Variants in SMARCD3 observed in about 807,000 individuals in gnomAD.
SMARCD3 encodes SWI/SNF-related matrix-associated actin-dependent regulator of chromatin subfamily D member 3.
Under a neutral mutation model 58.0 loss-of-function variants are expected in SMARCD3, and 14 were observed. The observed-to-expected ratio is 0.24, with a 90% CI of 0.16 to 0.38. SMARCD3 has a LOEUF of 0.38. Ranked by LOEUF, SMARCD3 falls within the 10% of genes least tolerant of loss-of-function variation. The probability of loss-of-function intolerance (pLI) is 1.00; values close to 1 mark genes in which losing one functional copy is unlikely to be tolerated. For synonymous variants in SMARCD3, 253 were observed against 253.8 expected (o/e 1.00, Z 0.03); for missense variants, 408 against 636.9 (o/e 0.64, Z 3.87).
At chr7:151,269,809 C>T (rs549141849) in intron 2 of SMARCD3, among the ~76,000 whole-genome samples, 2 of 152,258 alleles carry the variant, frequency 1.3e-5, no homozygotes, top group South Asian at 2.1e-4. Flanking sequence ...GCAGAAGGTC[C>T]GCCATCACCA....
Position 151,242,452 on chromosome 7 carries a change from C to T in SMARCD3, c.579+29G>A. ...AGTGCAGCCCATGCCCACCCCAGGA[C>T]ACCTGGAGAGACCTGGGCCGGGACG... On this transcript the variant is annotated intron_variant, in intron 5 of 12. Coordinates refer to ENST00000262188, the MANE Select transcript of SMARCD3 (RefSeq NM_001003801.2). This position sits in a 1 kb window ranked among gnomAD's most constrained non-coding sequence, Gnocchi z 4.7. The T allele has an allele frequency of 6.2e-7, 1 of 1,609,268 alleles. No individual in the cohort carries two copies. The highest frequency in any genetic ancestry group is 8.5e-7 in the Non-Finnish European group (1 of 1,178,534).
intron 2 of SMARCD3, among the ~76,000 whole-genome samples, chr7:151,262,055 G>A (rs1443843143): frequency 6.6e-6 from 1 of 152,092 alleles, no homozygotes; most frequent in East Asian, 1.9e-4. Flanking sequence ...GAGACATTCA[G>A]AAGCCACCAC....
Position 151,242,092 on chromosome 7 carries a change from T to C in SMARCD3, c.675+45A>G. On this transcript the variant is annotated intron_variant, in intron 6 of 12. Transcript: ENST00000262188. This position sits in a 1 kb window ranked among gnomAD's most constrained non-coding sequence, Gnocchi z 4.7. ...TGCTGGTTCTTCAGGGATTCTGGCC[T>C]GTGGGAGGGTGGCAATTCAAGGGCG... 5 of 1,551,928 alleles carry C rather than the reference T, an allele frequency of 3.2e-6. No homozygotes were observed. Among genetic ancestry groups the C allele is most frequent in the Non-Finnish European group, 4.5e-6 (5 of 1,123,514 alleles).
chr7:151,248,564 G>C lies in SMARCD3; in HGVS notation c.-2C>G. 2 of 1,613,730 alleles carry C rather than the reference G, an allele frequency of 1.2e-6. No homozygotes were observed. The highest frequency in any genetic ancestry group is 1.7e-6 in the Non-Finnish European group (2 of 1,179,754). ...TCCGGCAACTTCGTCCGCGGCCATC[G>C]GGGTGGGCTCAGCGGCTCCTCTCAC... On this transcript the variant is annotated 5_prime_UTR_variant, in exon 1 of 13. Transcript: ENST00000262188. The surrounding 1 kb of genome is among the most constrained non-coding windows in gnomAD (Gnocchi z 6.1).
chr7:151,267,408 G>T (rs887282165), intron 2 of SMARCD3, among the ~76,000 whole-genome samples: 2 of 152,208 alleles, frequency 1.3e-5, no homozygotes, highest in African/African-American at 2.4e-5. Flanking sequence ...TGATCATAAG[G>T]TCCGTGTTCT....
Position 151,242,396 on chromosome 7 carries a change from G to T in SMARCD3, c.579+85C>A. The T allele has an allele frequency of 6.4e-7, 1 of 1,563,932 alleles. No homozygotes were observed. Among genetic ancestry groups the T allele is most frequent in the Non-Finnish European group, 8.8e-7 (1 of 1,142,752 alleles). Reference sequence around the variant, plus strand: ...CCACCCAGCCTGGGCTGACTCCCTAGCCCTTAGTGCAGACACCTTGTTCTG... The same window carrying T: ...CCACCCAGCCTGGGCTGACTCCCTATCCCTTAGTGCAGACACCTTGTTCTG... On this transcript the variant is annotated intron_variant, in intron 5 of 12. Coordinates refer to ENST00000262188, the MANE Select transcript of SMARCD3 (RefSeq NM_001003801.2). The surrounding 1 kb of genome is among the most constrained non-coding windows in gnomAD (Gnocchi z 4.7).
upstream of SMARCD3, among the ~76,000 whole-genome samples, chr7:151,250,511 T>C (rs562067131): frequency 6.6e-5 from 10 of 151,874 alleles, no homozygotes; most frequent in South Asian, 1.9e-3. Context: ...CCGATTCTTT[T>C]ACCTGGAATG....
rs1464422243 is a variant in SMARCD3 at position 151,248,488 on chromosome 7, C to G, written c.75G>C (p.Gly25=). Residue 25 remains glycine, a synonymous_variant, in exon 1 of 13, where the codon GGG becomes GGC. Coordinates refer to ENST00000262188, the MANE Select transcript of SMARCD3 (RefSeq NM_001003801.2). The surrounding 1 kb of genome is among the most constrained non-coding windows in gnomAD (Gnocchi z 6.1). Reference sequence around the variant, plus strand: ...CCGCTAACTTTCCCCCACTCACCACCCCATGGACCAGAAACTCAAAAAGTT... The same window carrying G: ...CCGCTAACTTTCCCCCACTCACCACGCCATGGACCAGAAACTCAAAAAGTT... ...KSKLFEFLVH[G]VRPGMPSGAR... 1 of 1,612,210 alleles carries G rather than the reference C, an allele frequency of 6.2e-7. No individual in the cohort carries two copies. The highest frequency in any genetic ancestry group is 1.3e-5 in the African/African-American group (1 of 74,880).
upstream of SMARCD3, chr7:151,248,742 C>T: frequency 1.7e-6 from 2 of 1,148,456 alleles, no homozygotes; most frequent in Non-Finnish European, 2.1e-6. The surrounding 1 kb of genome is among the most constrained non-coding windows in gnomAD (Gnocchi z 6.1). Context: ...CGGCCCACGC[C>T]GCCGCCGCCC....
exon 2 of SMARCD3, chr7:151,275,222 G>A (rs531894092): frequency 1.7e-5 from 23 of 1,359,492 alleles, no homozygotes; most frequent in East Asian, 9.3e-5. Flanking sequence ...AGCCCACCGC[G>A]CCTGCAGCAC....
intron 2 of SMARCD3, among the ~76,000 whole-genome samples, chr7:151,267,680 A>G (rs927648500): frequency 5.9e-5 from 9 of 152,238 alleles, no homozygotes; most frequent in African/African-American, 2.2e-4. Context: ...CAAGAAGCCA[A>G]CTGAAGTGAC....
chr7:151,274,983 C>G (rs763041026), intron 2 of SMARCD3: 8 of 717,500 alleles, frequency 1.1e-5, no homozygotes, highest in Middle Eastern at 3.6e-4. Flanking sequence ...GCCATGGGCA[C>G]TAAGGAGTCC....
In SMARCD3 at chr7:151,248,441, G is replaced by A. The variant is rs752432019; in HGVS notation, c.78+44C>T. ...TCCCGATCAGCCCTCCATTCAGCCC[G>A]AGCCAGCTCGCTTGCCCTCCCCCGC... On this transcript the variant is annotated intron_variant, in intron 1 of 12. Transcript: ENST00000262188. The surrounding 1 kb of genome is among the most constrained non-coding windows in gnomAD (Gnocchi z 6.1). 3 of 1,521,932 alleles carry A rather than the reference G, an allele frequency of 2.0e-6. No individual in the cohort carries two copies. The highest frequency in any genetic ancestry group is 1.8e-6 in the Non-Finnish European group (2 of 1,100,684). 94.3% of individuals were successfully genotyped at this position (1,521,932 alleles called of 1,614,324 possible).
intron 2 of SMARCD3, chr7:151,274,980 GC>G: frequency 1.4e-6 from 1 of 698,606 alleles, no homozygotes; most frequent in Non-Finnish European, 2.6e-6. Flanking sequence ...CCTGCCATGG[GC>G]ACTAAGGAGT....
At chr7:151,251,947 T>C (rs1398979873), upstream of SMARCD3, among the ~76,000 whole-genome samples, 15 of 146,158 alleles carry the variant, frequency 1.0e-4, no homozygotes, top group Admixed American at 1.0e-3. Flanking sequence ...CGCCCCTCCC[T>C]CCGCCCGCGC....
Position 151,246,714 on chromosome 7 carries a change from G to A in SMARCD3, c.79-1043C>T, listed in dbSNP as rs1803283468. On this transcript the variant is annotated intron_variant, in intron 1 of 12. Coordinates refer to ENST00000262188, the MANE Select transcript of SMARCD3 (RefSeq NM_001003801.2). This position sits in a 1 kb window ranked among gnomAD's most constrained non-coding sequence, Gnocchi z 4.4. ...CTACCCCTGGGTGGTCAGATGGGGTGTAAATGAGATGCAAATGCATCGAGC... is the reference window on the plus strand; with the variant it reads ...CTACCCCTGGGTGGTCAGATGGGGTATAAATGAGATGCAAATGCATCGAGC... Among the ~76,000 whole-genome samples, 1 of 152,158 alleles carries A rather than the reference G, an allele frequency of 6.6e-6. No homozygotes were observed. The highest frequency in any genetic ancestry group is 1.5e-5 in the Non-Finnish European group (1 of 68,000).
intron 2 of SMARCD3, among the ~76,000 whole-genome samples, chr7:151,260,026 TTCCTGGCAGGG>T (rs1803866065): frequency 6.6e-6 from 1 of 152,104 alleles, no homozygotes. Context: ...GCCTATCAGG[TTCCTGGCAGGG>T]TCCCCATTAT....
intron 2 of SMARCD3, among the ~76,000 whole-genome samples, chr7:151,274,311 C>T (rs1408431622): frequency 6.6e-6 from 1 of 152,178 alleles, no homozygotes; most frequent in Non-Finnish European, 1.5e-5. Context: ...CAGTTCCGAC[C>T]CCTTACCATG....
At position 151,239,988 on chromosome 7, in the gene SMARCD3, CTTTTTT is replaced by C. The variant is rs552440384; in HGVS notation, c.1173+118_1173+123del. On this transcript the variant is annotated intron_variant, in intron 10 of 12. Coordinates refer to ENST00000262188, the MANE Select transcript of SMARCD3 (RefSeq NM_001003801.2). This position sits in a 1 kb window ranked among gnomAD's most constrained non-coding sequence, Gnocchi z 7.0. ...GTCCCATTGGCCCAGAGTCTGGTCT[CTTTTTT>C]TTTTTTTTTTTTAATTTAACCCAGA... 6 of 830,726 alleles carry C rather than the reference CTTTTTT, an allele frequency of 7.2e-6. No individual in the cohort carries two copies. The highest frequency in any genetic ancestry group is 5.5e-5 in the South Asian group (3 of 54,506). The allele number at this position is 830,726 out of a possible 1,614,324, so 51.5% of individuals were successfully genotyped here.
Sources: allele counts gnomAD v4.1 joint callset (sites outside exome capture counted in the v4.1 genomes callset), GRCh38; gene constraint gnomAD v4.1.1; non-coding constraint Gnocchi (gnomAD v3.1); transcripts MANE v1.5; gene names NCBI Gene and HGNC (gene_info 2026-07-23, HGNC 2026-07-21).